DLGAP1: variants seen among roughly 807,000 people sequenced by gnomAD.
DLGAP1 encodes the protein DLG associated protein 1, also known as disks large-associated protein 1.
A neutral mutation model predicts 90.8 loss-of-function variants in DLGAP1; 11 were observed. That is an observed-to-expected ratio of 0.12 (90% CI 0.08 to 0.20). The LOEUF is 0.20. DLGAP1 is among the 10% of genes least tolerant of loss of function. The pLI is 1.00. For synonymous variants in DLGAP1, 558 were observed against 540.7 expected (o/e 1.03, Z -0.44); for missense variants, 1,050 against 1,333.8 (o/e 0.79, Z 3.31).
rs151322694 is a variant in DLGAP1 at position 4,325,133 on chromosome 18, C to T, written c.-267+129873G>A. On this transcript the variant is annotated intron_variant, in intron 1 of 12. Coordinates refer to ENST00000315677, the MANE Select transcript of DLGAP1 (RefSeq NM_004746.4). ...AAAACCCATAGTCTTGGCCCAAAAGCTCCTTGATCTGATATACAACTTTAG... is the reference window on the plus strand; with the variant it reads ...AAAACCCATAGTCTTGGCCCAAAAGTTCCTTGATCTGATATACAACTTTAG... 5.0e-3 allele frequency among the ~76,000 whole-genome samples: 758 copies of T among 152,278 alleles called. 9 individuals are homozygous for T. The highest frequency in any genetic ancestry group is 0.018 in the African/African-American group (736 of 41,556).
chr18:4,307,861 A>G (rs1298229900), intron 1 of DLGAP1, among the ~76,000 whole-genome samples: 1 of 151,952 alleles, frequency 6.6e-6, no homozygotes, highest in Non-Finnish European at 1.5e-5. Context: ...AATTACAGGC[A>G]TGCGCCACCA....
chr18:4,059,144 CTG>C (rs1363100191), intron 2 of DLGAP1, among the ~76,000 whole-genome samples: 2 of 152,172 alleles, frequency 1.3e-5, no homozygotes, highest in Non-Finnish European at 2.9e-5. Flanking sequence ...ATTGCCTCCT[CTG>C]TAATTGTGGC....
chr18:3,865,209 A>G (rs2070312594), intron 4 of DLGAP1, among the ~76,000 whole-genome samples: 1 of 152,200 alleles, frequency 6.6e-6, no homozygotes, highest in Non-Finnish European at 1.5e-5. Context: ...TTAAGCAAAG[A>G]ATATTAAATG....
chr18:4,452,219 T>C (rs531373271), intron 1 of DLGAP1, among the ~76,000 whole-genome samples: 144 of 152,082 alleles, frequency 9.5e-4, no homozygotes, highest in Non-Finnish European at 1.8e-3. Context: ...TTTGAGCTGA[T>C]CATAGAAATT....
At position 4,381,799 on chromosome 18, in the gene DLGAP1, G is replaced by C. The variant is rs187234589; in HGVS notation, c.-267+73207C>G. On this transcript the variant is annotated intron_variant, in intron 1 of 12. Transcript: ENST00000315677. Reference sequence around the variant, plus strand: ...TTCCAGGCACTTGCTTATTGTATTAGTCTGTTTTCATGCTGCTGATAAAGA... The same window carrying C: ...TTCCAGGCACTTGCTTATTGTATTACTCTGTTTTCATGCTGCTGATAAAGA... 7.9e-5 allele frequency among the ~76,000 whole-genome samples: 12 copies of C among 152,200 alleles called. 1 individual carries two copies. Among genetic ancestry groups the C allele is most frequent in the Admixed American group, 3.3e-4 (5 of 15,274 alleles).
At chr18:4,088,730 C>T (rs1351239700) in intron 2 of DLGAP1, among the ~76,000 whole-genome samples, 1 of 152,012 alleles carries the variant, frequency 6.6e-6, no homozygotes, top group African/African-American at 2.4e-5. Context: ...ACGGAAAAGG[C>T]CTTTAATAAA....
chr18:3,712,859 A>G (rs1332887998), intron 7 of DLGAP1, among the ~76,000 whole-genome samples: 1 of 152,240 alleles, frequency 6.6e-6, no homozygotes. Context: ...AGCGGAATCA[A>G]TTCACTCCTA....
intron 3 of DLGAP1, among the ~76,000 whole-genome samples, chr18:3,881,187 C>T (rs1048854688): frequency 6.6e-6 from 1 of 151,776 alleles, no homozygotes; most frequent in Non-Finnish European, 1.5e-5. Context: ...TGCAATGGCA[C>T]GATCTCGGCT....
chr18:3,913,423 T>C (rs2072076814), intron 3 of DLGAP1, among the ~76,000 whole-genome samples: 1 of 152,240 alleles, frequency 6.6e-6, no homozygotes, highest in Admixed American at 6.5e-5. Flanking sequence ...TGCAGGAAGC[T>C]GTTATGGAAC....
chr18:4,221,343 C>A (rs2078072064), intron 1 of DLGAP1, among the ~76,000 whole-genome samples: 2 of 152,034 alleles, frequency 1.3e-5, no homozygotes, highest in Non-Finnish European at 2.9e-5. Context: ...TCCTCATTTA[C>A]AATAAAAATA....
chr18:3,881,940 A>G (rs1297438994), intron 3 of DLGAP1, among the ~76,000 whole-genome samples: 1 of 151,608 alleles, frequency 6.6e-6, no homozygotes, highest in Non-Finnish European at 1.5e-5. Context: ...AAACACTAAG[A>G]TGAATAATAG....
chr18:3,888,691 G>A (rs1194792923), intron 3 of DLGAP1, among the ~76,000 whole-genome samples: 1 of 152,174 alleles, frequency 6.6e-6, no homozygotes, highest in Non-Finnish European at 1.5e-5. Flanking sequence ...ATAAAAAGGT[G>A]GAAGGTAGTG....
At chr18:4,423,090 C>A (rs12959138) in intron 1 of DLGAP1, among the ~76,000 whole-genome samples, 74,134 of 151,916 alleles carry the variant, frequency 0.49, 19,638 homozygotes, top group South Asian at 0.63. Context: ...TAGAAAGTAA[C>A]TTTTGTAGCT....
At chr18:4,089,552 T>C (rs2075737014) in intron 2 of DLGAP1, among the ~76,000 whole-genome samples, 1 of 152,198 alleles carries the variant, frequency 6.6e-6, no homozygotes, top group African/African-American at 2.4e-5. Flanking sequence ...TTTCAAACTC[T>C]GCTACAAGGC....
chr18:3,886,754 A>C (rs963457363), intron 3 of DLGAP1, among the ~76,000 whole-genome samples: 3 of 152,258 alleles, frequency 2.0e-5, no homozygotes, highest in Admixed American at 2.0e-4. Flanking sequence ...AGCAGCCCTG[A>C]ACAATGACTA....
At chr18:4,421,125 T>C (rs1422003516) in intron 1 of DLGAP1, among the ~76,000 whole-genome samples, 1 of 152,164 alleles carries the variant, frequency 6.6e-6, no homozygotes, top group African/African-American at 2.4e-5. Context: ...CTCTCCCTCT[T>C]CTTGAGGCCA....
At chr18:4,222,921 C>T (rs1049739998) in intron 1 of DLGAP1, among the ~76,000 whole-genome samples, 1 of 151,822 alleles carries the variant, frequency 6.6e-6, no homozygotes, top group Non-Finnish European at 1.5e-5. Context: ...ATTGGAATGA[C>T]CATAAACAGA....
intron 1 of DLGAP1, among the ~76,000 whole-genome samples, chr18:4,331,268 A>T (rs2080944429): frequency 6.6e-6 from 1 of 151,676 alleles, no homozygotes. Context: ...CCACCAGTGC[A>T]TCACTCCCAT....
intron 1 of DLGAP1, among the ~76,000 whole-genome samples, chr18:4,339,671 T>C (rs541543115): frequency 2.0e-5 from 3 of 152,276 alleles, no homozygotes; most frequent in African/African-American, 7.2e-5. Context: ...TATTCCTTAC[T>C]TAAAATTTCT....
Sources: allele counts gnomAD v4.1 joint callset (sites outside exome capture counted in the v4.1 genomes callset), GRCh38; gene constraint gnomAD v4.1.1; transcripts MANE v1.5; gene names NCBI Gene and HGNC (gene_info 2026-07-23, HGNC 2026-07-21).